GOLGA4: variants seen among roughly 807,000 people sequenced by gnomAD.
GOLGA4 encodes golgin A4, also known as golgin subfamily A member 4.
Under a neutral mutation model 265.9 loss-of-function variants are expected in GOLGA4, and 169 were observed. The ratio of observed to expected loss-of-function variants is 0.64; its 90% CI spans 0.56 to 0.72. The LOEUF (loss-of-function observed/expected upper bound fraction) is 0.72. GOLGA4 is among the 30% of genes least tolerant of loss of function. GOLGA4 has a pLI of 0.00. For synonymous variants in GOLGA4, 923 were observed against 855.8 expected (o/e 1.08, Z -1.37); for missense variants, 2,482 against 2,483.4 (o/e 1.00, Z 0.01).
At position 37,315,594 on chromosome 3, in the gene GOLGA4, T is replaced by A. The variant is rs1362963850; in HGVS notation, c.1409T>A (p.Met470Lys). The change falls in exon 11 of 24, where the codon ATG becomes AAG. Residue 470 changes from methionine to lysine, a missense_variant. Met to Lys is a moderately conservative substitution (Grantham distance 95). Coordinates refer to ENST00000361924, the MANE Select transcript of GOLGA4 (RefSeq NM_002078.5). ...GTGAAACAGGAGGTTGTTGATGTAATGAAAGTAAGAATAATTCTGTAATGA... is the reference window on the plus strand; with the variant it reads ...GTGAAACAGGAGGTTGTTGATGTAAAGAAAGTAAGAATAATTCTGTAATGA... Reference protein sequence around the residue: ...SRVKQEVVDVMKKSSEEQIAK... With the variant: ...SRVKQEVVDVKKKSSEEQIAK... 3 of 1,611,194 alleles carry A rather than the reference T, an allele frequency of 1.9e-6. No homozygotes were observed. Among genetic ancestry groups the A allele is most frequent in the South Asian group, 2.2e-5 (2 of 90,930 alleles).
chr3:37,289,426 A>G, intron 5 of GOLGA4, 135 bp downstream of exon 5: 2 of 549,470 alleles, frequency 3.6e-6, no homozygotes, highest in Non-Finnish European at 6.6e-6. Flanking sequence ...CTACAAGACC[A>G]GGGGTCAGTT....
In GOLGA4 at chr3:37,324,143, G is replaced by A. The variant is rs764864441; in HGVS notation, c.2257G>A (p.Ala753Thr). ...GGTATCTATCCAGAGGACTGAGAAG[G>A]CATTAAAAGATCAAATTAATCAACT... ...HEVSIQRTEK[A>T]LKDQINQLEL... Residue 753 changes from alanine (A) to threonine (T), a missense_variant, in exon 14 of 24, where the codon GCA becomes ACA. By Grantham distance (58) the Ala-to-Thr change is moderately conservative. Transcript: ENST00000361924. 6.2e-7 allele frequency: 1 copy of A among 1,613,812 alleles called. No homozygotes were observed. The highest frequency in any genetic ancestry group is 8.5e-7 in the Non-Finnish European group (1 of 1,179,778).
At chr3:37,335,351 A>G (rs975437032) in intron 17 of GOLGA4, among the ~76,000 whole-genome samples, 185 bp downstream of exon 17, 1 of 152,232 alleles carries the variant, frequency 6.6e-6, no homozygotes, top group Non-Finnish European at 1.5e-5. Context: ...AAAATGTTCA[A>G]GCTCACACAA....
intron 9 of GOLGA4, 99 bp from the exon 10 acceptor site, chr3:37,302,086 A>G: frequency 2.0e-6 from 2 of 1,004,194 alleles, no homozygotes; most frequent in Non-Finnish European, 3.0e-6. Flanking sequence ...ACCATGCACC[A>G]TGCCCGGCCT....
intron 21 of GOLGA4, among the ~76,000 whole-genome samples, chr3:37,348,046 G>A (rs912152832): frequency 2.6e-5 from 4 of 152,062 alleles, no homozygotes; most frequent in South Asian, 4.2e-4. Flanking sequence ...TCTGTGTGCC[G>A]TGGCTGAGAA....
intron 10 of GOLGA4, among the ~76,000 whole-genome samples, chr3:37,308,746 G>T (rs1312222773): frequency 6.6e-6 from 1 of 151,786 alleles, no homozygotes; most frequent in Non-Finnish European, 1.5e-5. Context: ...CTGCCAAGTA[G>T]CTGGGACTAC....
intron 10 of GOLGA4, among the ~76,000 whole-genome samples, chr3:37,308,206 C>G (rs1380924550): frequency 6.6e-6 from 1 of 151,190 alleles, no homozygotes; most frequent in African/African-American, 2.4e-5. Context: ...GCACTCCAGC[C>G]TGGGCGACAA....
chr3:37,308,860 C>T (rs984277793), intron 10 of GOLGA4, among the ~76,000 whole-genome samples: 7 of 152,020 alleles, frequency 4.6e-5, no homozygotes, highest in South Asian at 2.1e-4. Flanking sequence ...GTGATCTGCC[C>T]GCCTCGGCCT....
Position 37,324,972 on chromosome 3 carries a change from TAGAA to T in GOLGA4, c.3089_3092del (p.Glu1030ValfsTer43). On this transcript the variant is annotated frameshift_variant, in exon 14 of 24. Coordinates refer to ENST00000361924, the MANE Select transcript of GOLGA4 (RefSeq NM_002078.5). LOFTEE classifies it high-confidence loss of function. The stretch of plus-strand genomic sequence containing the variant: ...CTGGAAACAAACCAAAAAGAACAAA[TAGAA>T]AGTCTTACTGAGGTTCATCGACGAG... 1 of 1,613,208 alleles carries T rather than the reference TAGAA, an allele frequency of 6.2e-7. No individual in the cohort carries two copies. Among genetic ancestry groups the T allele is most frequent in the Non-Finnish European group, 8.5e-7 (1 of 1,179,588 alleles).
chr3:37,280,232 G>C (rs2096831208), intron 2 of GOLGA4, among the ~76,000 whole-genome samples: 1 of 152,154 alleles, frequency 6.6e-6, no homozygotes, highest in African/African-American at 2.4e-5. Context: ...ACTTATGGGT[G>C]AATAAGCATA....
At chr3:37,262,985 C>T (rs2096774023) in intron 2 of GOLGA4, among the ~76,000 whole-genome samples, 1 of 152,194 alleles carries the variant, frequency 6.6e-6, no homozygotes, top group South Asian at 2.1e-4. Flanking sequence ...ACAGTAATGT[C>T]CTAGGACTTC....
intron 10 of GOLGA4, among the ~76,000 whole-genome samples, chr3:37,306,691 A>C (rs1358615268): frequency 1.3e-5 from 2 of 152,118 alleles, no homozygotes; most frequent in Non-Finnish European, 2.9e-5. Context: ...ATAATACGGC[A>C]CATTCAATTT....
chr3:37,299,067 A>T, intron 8 of GOLGA4, 47 bp downstream of exon 8: 1 of 1,445,120 alleles, frequency 6.9e-7, no homozygotes. Flanking sequence ...ATAAAGTTAG[A>T]TCCACAGGCT....
At chr3:37,308,584 G>C (rs1446037515) in intron 10 of GOLGA4, among the ~76,000 whole-genome samples, 1 of 150,658 alleles carries the variant, frequency 6.6e-6, no homozygotes. Context: ...TATATGTATT[G>C]ATATTTACTG....
At chr3:37,253,662 G>T (rs922708791) in intron 2 of GOLGA4, among the ~76,000 whole-genome samples, 6 of 152,002 alleles carry the variant, frequency 3.9e-5, no homozygotes, top group Non-Finnish European at 8.8e-5. Context: ...TAATTATTTT[G>T]TAAAGGTATA....
In GOLGA4 at chr3:37,296,182, T is replaced by C; in HGVS notation, c.777T>C (p.Thr259=). Residue 259 remains threonine (T), a synonymous_variant, in exon 7 of 24, where the codon ACT becomes ACC. Coordinates refer to ENST00000361924, the MANE Select transcript of GOLGA4 (RefSeq NM_002078.5). ...TGGAACCACAGGCTGAAGTCTTCACTAAAGAAGAGAATCCAGAAAGTGATG... is the reference window on the plus strand; with the variant it reads ...TGGAACCACAGGCTGAAGTCTTCACCAAAGAAGAGAATCCAGAAAGTGATG... ...PQLEPQAEVF[T]KEENPESDGE... is the part of the protein sequence containing the mutation. The C allele has an allele frequency of 6.2e-7, 1 of 1,614,098 alleles. No homozygotes were observed. The highest frequency in any genetic ancestry group is 1.1e-5 in the South Asian group (1 of 91,080).
chr3:37,351,949 C>G (rs192797617), intron 21 of GOLGA4, among the ~76,000 whole-genome samples: 51 of 152,146 alleles, frequency 3.4e-4, no homozygotes, highest in African/African-American at 1.2e-3. Context: ...AGAGAGCCAG[C>G]CTATGTATTA....
rs577884017 is a variant in GOLGA4 at position 37,328,620 on chromosome 3, G to A, written c.6061+83G>A. ...CTTATCATTTTTGCAGTGGTGGTAA[G>A]TGCATTAAGTCATTAAACTGGGGAA... On this transcript the variant is annotated intron_variant, in intron 15 of 23. Coordinates refer to ENST00000361924, the MANE Select transcript of GOLGA4 (RefSeq NM_002078.5). 30 of 1,221,218 alleles carry A rather than the reference G, an allele frequency of 2.5e-5. No homozygotes were observed. In the South Asian group the frequency reaches 3.5e-4, roughly 14 times the overall value. 75.6% of individuals were successfully genotyped at this position (1,221,218 alleles called of 1,614,324 possible).
intron 16 of GOLGA4, among the ~76,000 whole-genome samples, chr3:37,333,918 T>C (rs979462278): frequency 6.6e-6 from 1 of 152,350 alleles, no homozygotes; most frequent in Admixed American, 6.5e-5. Context: ...GGCCTAACTA[T>C]GTTTGCATTT....
Sources: allele counts gnomAD v4.1 joint callset (sites outside exome capture counted in the v4.1 genomes callset), GRCh38; gene constraint gnomAD v4.1.1; transcripts MANE v1.5; gene names NCBI Gene and HGNC (gene_info 2026-07-23, HGNC 2026-07-21).